The following PDPR variants were observed in gnomAD, a reference collection of about 807,000 sequenced individuals.
PDPR encodes pyruvate dehydrogenase phosphatase regulatory subunit, mitochondrial.
PDPR carries 50 observed loss-of-function variants against 102.2 expected under a neutral mutation model. That is an observed-to-expected ratio of 0.49 (90% CI 0.39 to 0.62). The LOEUF is 0.62. Ranked by LOEUF, PDPR falls within the 20% of genes least tolerant of loss-of-function variation. PDPR has a pLI of 0.00. For synonymous variants in PDPR, 259 were observed against 406.0 expected, an observed-to-expected ratio of 0.64 and a Z score of 4.35; for missense variants, 625 against 1,098.2, an observed-to-expected ratio of 0.57 and a Z score of 6.09.
intron 3 of PDPR, among the ~76,000 whole-genome samples, chr16:70,126,159 C>G (rs1354036285): frequency 7.9e-5 from 12 of 152,342 alleles, no homozygotes; most frequent in African/African-American, 2.9e-4. Context: ...ACATAAAGAC[C>G]TTTTCATTCT....
At chr16:70,145,678 A>T in intron 15 of PDPR, 1 of 462,352 alleles carries the variant, frequency 2.2e-6, no homozygotes, top group Non-Finnish European at 4.3e-6. Flanking sequence ...CTGTCTTAGG[A>T]TGGATGACAT....
At chr16:70,139,315 C>T (rs976525729) in intron 11 of PDPR, among the ~76,000 whole-genome samples, 7 of 152,334 alleles carry the variant, frequency 4.6e-5, no homozygotes, top group South Asian at 2.1e-4. Context: ...GCCTTCTTCC[C>T]GGTCTGCCTT....
At chr16:70,132,014 T>C in intron 8 of PDPR, 137 bp from the exon 9 acceptor site, 1 of 1,567,386 alleles carries the variant, frequency 6.4e-7, no homozygotes, top group South Asian at 1.2e-5. Flanking sequence ...ATGCCTGTGT[T>C]CATTGAATGT....
intron 3 of PDPR, among the ~76,000 whole-genome samples, chr16:70,125,798 T>C (rs542434978): frequency 6.6e-6 from 1 of 152,300 alleles, no homozygotes; most frequent in East Asian, 1.9e-4. Context: ...CATGCCCGGC[T>C]GATTTTTGTA....
In PDPR at chr16:70,146,237, T is replaced by C. The variant is rs1429644554; in HGVS notation, c.1962+9T>C. ...CAAGCCTCTTTTGCAAGGTAAGTGC[T>C]GATAAAGTTCTGTTTCTTAAATGGG... is the stretch of plus-strand genomic sequence containing the variant. On this transcript the variant is annotated intron_variant, in intron 16 of 18. Coordinates refer to ENST00000288050, the MANE Select transcript of PDPR (RefSeq NM_017990.5). 6.2e-7 allele frequency: 1 copy of C among 1,613,868 alleles called. No homozygotes were observed. Among genetic ancestry groups the C allele is most frequent in the Non-Finnish European group, 8.5e-7 (1 of 1,179,818 alleles).
chr16:70,143,419 T>A (rs1246668679), intron 13 of PDPR, 91 bp from the exon 14 acceptor site: 3 of 1,489,856 alleles, frequency 2.0e-6, no homozygotes, highest in South Asian at 1.3e-5. Context: ...CTGATTGAAT[T>A]TTCTCAATGA....
At chr16:70,138,822 T>G (rs1965429567) in intron 10 of PDPR, 77 bp from the exon 11 acceptor site, 1 of 1,600,238 alleles carries the variant, frequency 6.2e-7, no homozygotes, top group Non-Finnish European at 8.5e-7. Context: ...TTTGATTCTG[T>G]TTGTTCTCGA....
At chr16:70,149,508 C>T (rs1366962276) in intron 17 of PDPR, among the ~76,000 whole-genome samples, 4 of 152,230 alleles carry the variant, frequency 2.6e-5, no homozygotes, top group Non-Finnish European at 5.9e-5. Context: ...TCAAGTGGTC[C>T]ACACACCTCA....
intron 1 of PDPR, 24 bp downstream of exon 1, chr16:70,114,464 C>G (rs1470369580): frequency 6.6e-6 from 1 of 152,188 alleles, no homozygotes; most frequent in Non-Finnish European, 1.5e-5. Flanking sequence ...TTCGGGGCAA[C>G]TCTGGCCTCC....
chr16:70,140,761 G>A (rs1490368291), intron 11 of PDPR, among the ~76,000 whole-genome samples: 1 of 152,234 alleles, frequency 6.6e-6, no homozygotes, highest in Non-Finnish European at 1.5e-5. Flanking sequence ...GTTGCAGTGA[G>A]CCAAGATCTC....
intron 3 of PDPR, among the ~76,000 whole-genome samples, 186 bp from the exon 4 acceptor site, chr16:70,127,074 C>G (rs1259020029): frequency 6.6e-6 from 1 of 152,256 alleles, no homozygotes; most frequent in Non-Finnish European, 1.5e-5. Flanking sequence ...TCGTAAACCC[C>G]TGTCCTCAAG....
At chr16:70,131,650 T>A (rs1292771229) in intron 8 of PDPR, 1 of 981,650 alleles carries the variant, frequency 1.0e-6, no homozygotes, top group East Asian at 1.1e-4. Flanking sequence ...GCAAGCTAAT[T>A]TTAGTCCTAA....
Position 70,136,224 on chromosome 16 carries a change from T to G in PDPR, c.1028T>G (p.Met343Arg). The G allele has an allele frequency of 6.2e-7, 1 of 1,606,922 alleles. No homozygotes were observed. Among genetic ancestry groups the G allele is most frequent in the Non-Finnish European group, 8.5e-7 (1 of 1,174,932 alleles). Residue 343 changes from methionine (M) to arginine (R), a missense_variant, in exon 10 of 19, where the codon ATG (methionine) becomes AGG (arginine). Physicochemically the swap from Met to Arg is moderately conservative, Grantham distance 91. Coordinates refer to ENST00000288050, the MANE Select transcript of PDPR (RefSeq NM_017990.5). ...EPLLSSLLRR[M>R]PELETLEIMK... is the part of the protein sequence containing the mutation. ...CTGTTGAGTTCCCTTCTGAGGAGGA[T>G]GCCAGAATTAGAGACTCTGGAGATC... is the stretch of plus-strand genomic sequence containing the variant.
chr16:70,149,691 C>G (rs1295105419), intron 17 of PDPR, among the ~76,000 whole-genome samples: 6 of 152,278 alleles, frequency 3.9e-5, no homozygotes, highest in Admixed American at 3.9e-4. Flanking sequence ...CATTCCGATA[C>G]TAATAGACAT....
At chr16:70,133,741 G>GT (rs371206686) in intron 9 of PDPR, among the ~76,000 whole-genome samples, 36,325 of 139,524 alleles carry the variant, frequency 0.26, 1,245 homozygotes, top group Non-Finnish European at 0.3. Context: ...TTGTTTTTTT[G>GT]TTTTTTTTTG....
At chr16:70,130,600 T>G in intron 7 of PDPR, 56 bp downstream of exon 7, 1 of 1,608,926 alleles carries the variant, frequency 6.2e-7, no homozygotes, top group Non-Finnish European at 8.5e-7. Flanking sequence ...AAGATTTTTT[T>G]GGTGTAGAGA....
chr16:70,116,129 A>C (rs1962610472), intron 2 of PDPR, among the ~76,000 whole-genome samples: 1 of 148,286 alleles, frequency 6.7e-6, no homozygotes, highest in African/African-American at 2.5e-5. Context: ...TGTGTCACCC[A>C]GGCAGTGGCG....
chr16:70,144,839 C>T (rs1281141775), intron 15 of PDPR, among the ~76,000 whole-genome samples: 4 of 152,202 alleles, frequency 2.6e-5, no homozygotes, highest in Non-Finnish European at 5.9e-5. Flanking sequence ...CCTGTAATCC[C>T]AGCTACTTGG....
At chr16:70,152,943 G>C (rs1025784145) in intron 17 of PDPR, among the ~76,000 whole-genome samples, 2 of 152,290 alleles carry the variant, frequency 1.3e-5, no homozygotes, top group Non-Finnish European at 2.9e-5. Flanking sequence ...TGTGAGAGCT[G>C]GGCCTCACAG....
Sources: gnomAD v4.1 joint callset for allele counts (sites outside exome capture counted in the v4.1 genomes callset) on GRCh38, gnomAD v4.1.1 for gene constraint, MANE v1.5 for transcripts, NCBI Gene and HGNC (gene_info 2026-07-23, HGNC 2026-07-21) for gene names.